Variants in SLIT1 observed in about 807,000 individuals in gnomAD.
SLIT1 encodes the protein slit guidance ligand 1.
In SLIT1, 66 loss-of-function variants were observed where a neutral mutation model predicts 186.1. The observed-to-expected ratio is 0.35, with a 90% CI of 0.29 to 0.44. SLIT1 has a LOEUF of 0.44. Among genes scored for constraint, SLIT1 ranks in the 20% least tolerant of loss-of-function variants. The pLI is 1.00. For synonymous variants in SLIT1, 761 were observed against 833.8 expected, an observed-to-expected ratio of 0.91 and a Z score of 1.50; for missense variants, 1,638 against 2,037.4, an observed-to-expected ratio of 0.80 and a Z score of 3.77.
chr10:97,037,739 C>T lies in SLIT1; in HGVS notation c.2325G>A (p.Leu775=). ...ELYLDGNQFT[L]VPGQLSTFKY... is the part of the protein sequence containing the mutation. ...TGAAGGTAGACAGCTGTCCCGGAAC[C>T]AGCGTGAACTGGTTCCCGTCCAAAT... Residue 775 remains leucine, a synonymous_variant, in exon 22 of 37, where the codon CTG becomes CTA. Transcript: ENST00000266058. 6.2e-7 allele frequency: 1 copy of T among 1,609,234 alleles called. No homozygotes were observed. Among genetic ancestry groups the T allele is most frequent in the South Asian group, 1.1e-5 (1 of 90,804 alleles).
chr10:97,166,640 G>GA (rs200026777), intron 1 of SLIT1, among the ~76,000 whole-genome samples: 34 of 134,882 alleles, frequency 2.5e-4, no homozygotes, highest in South Asian at 1.2e-3. Flanking sequence ...GAAAAGAAAA[G>GA]AAAGGAAAGG....
At chr10:97,005,120 A>G (rs1848348956) in intron 32 of SLIT1, among the ~76,000 whole-genome samples, 1 of 152,236 alleles carries the variant, frequency 6.6e-6, no homozygotes, top group Non-Finnish European at 1.5e-5. Flanking sequence ...CCTCAGGACA[A>G]TCTTCCCAGA....
At chr10:97,064,032 C>T in intron 7 of SLIT1, 136 bp downstream of exon 7, 1 of 723,230 alleles carries the variant, frequency 1.4e-6, no homozygotes, top group Non-Finnish European at 2.4e-6. Flanking sequence ...AAGCCCCCAG[C>T]CTGGGCTGGC....
At chr10:97,095,583 T>A (rs1849279712) in intron 4 of SLIT1, among the ~76,000 whole-genome samples, 1 of 152,178 alleles carries the variant, frequency 6.6e-6, no homozygotes, top group Non-Finnish European at 1.5e-5. Context: ...AGAACTGAAG[T>A]CCACCCAGAT....
At chr10:97,048,242 G>T (rs1350174250) in intron 14 of SLIT1, among the ~76,000 whole-genome samples, 1 of 152,210 alleles carries the variant, frequency 6.6e-6, no homozygotes, top group Non-Finnish European at 1.5e-5. Flanking sequence ...GCTCTCACTC[G>T]CAATGGCACG....
At chr10:97,091,081 C>A (rs560411204) in intron 4 of SLIT1, among the ~76,000 whole-genome samples, 1 of 152,230 alleles carries the variant, frequency 6.6e-6, no homozygotes, top group Non-Finnish European at 1.5e-5. Context: ...CTGTTCACTC[C>A]GGTTTGATAT....
chr10:97,166,873 C>A (rs993024340), intron 1 of SLIT1, among the ~76,000 whole-genome samples: 5 of 152,134 alleles, frequency 3.3e-5, no homozygotes, highest in Admixed American at 3.3e-4. Context: ...AGGTGCCTTC[C>A]CAAGGTCACC....
At chr10:97,120,956 A>G (rs1849555429) in intron 4 of SLIT1, among the ~76,000 whole-genome samples, 1 of 152,064 alleles carries the variant, frequency 6.6e-6, no homozygotes, top group Non-Finnish European at 1.5e-5. Flanking sequence ...GACTATTACT[A>G]TATTACCTGG....
At chr10:97,148,663 T>C (rs1849842850) in intron 4 of SLIT1, among the ~76,000 whole-genome samples, 1 of 152,236 alleles carries the variant, frequency 6.6e-6, no homozygotes. Context: ...CCTTATCTCC[T>C]ATCATTCTTT....
In SLIT1 at chr10:97,043,365, C is replaced by T; in HGVS notation, c.1997+5G>A. On this transcript the variant is annotated splice_donor_5th_base_variant and intron_variant, in intron 19 of 36. Coordinates refer to ENST00000266058, the MANE Select transcript of SLIT1 (RefSeq NM_003061.3). This position sits in a 1 kb window ranked among gnomAD's most constrained non-coding sequence, Gnocchi z 7.0. Reference sequence around the variant, plus strand: ...CCGCCCGCCTGTCCTGGAGGCCGGACTCACAGTGTGGAGAGGGACTGGAGG... The same window carrying T: ...CCGCCCGCCTGTCCTGGAGGCCGGATTCACAGTGTGGAGAGGGACTGGAGG... 1 of 1,613,258 alleles carries T rather than the reference C, an allele frequency of 6.2e-7. No individual in the cohort carries two copies. The highest frequency in any genetic ancestry group is 2.2e-5 in the East Asian group (1 of 44,866).
At chr10:97,014,701 T>C (rs1437138877) in intron 28 of SLIT1, among the ~76,000 whole-genome samples, 1 of 152,114 alleles carries the variant, frequency 6.6e-6, no homozygotes, top group Non-Finnish European at 1.5e-5. Flanking sequence ...ACGCTGTCTC[T>C]ATTAAAATAC....
intron 4 of SLIT1, among the ~76,000 whole-genome samples, chr10:97,104,858 C>A (rs1849397137): frequency 6.6e-6 from 1 of 152,176 alleles, no homozygotes; most frequent in South Asian, 2.1e-4. Flanking sequence ...CACGGATGGC[C>A]AAGCATGCTG....
intron 4 of SLIT1, among the ~76,000 whole-genome samples, chr10:97,143,203 C>T (rs768006339): frequency 1.3e-5 from 2 of 152,186 alleles, no homozygotes; most frequent in Non-Finnish European, 2.9e-5. Flanking sequence ...CAGCACTATT[C>T]ACAATATCTA....
chr10:97,105,724 G>A (rs1849407106), intron 4 of SLIT1, among the ~76,000 whole-genome samples: 1 of 152,216 alleles, frequency 6.6e-6, no homozygotes, highest in Non-Finnish European at 1.5e-5. Context: ...AGGAACTTGA[G>A]GTGAAAATGG....
At chr10:97,144,445 T>C (rs1230471856) in intron 4 of SLIT1, among the ~76,000 whole-genome samples, 1 of 152,108 alleles carries the variant, frequency 6.6e-6, no homozygotes, top group African/African-American at 2.4e-5. Flanking sequence ...CTTCTTCCAG[T>C]GTATGAAGTC....
At position 97,010,557 on chromosome 10, in the gene SLIT1, T is replaced by C. The variant is rs1424724425; in HGVS notation, c.3341+436A>G. Among the ~76,000 whole-genome samples the C allele has an allele frequency of 6.6e-6, 1 of 152,188 alleles. No individual in the cohort carries two copies. The highest frequency in any genetic ancestry group is 2.1e-4 in the South Asian group (1 of 4,832). On this transcript the variant is annotated intron_variant, in intron 31 of 36. Coordinates refer to ENST00000266058, the MANE Select transcript of SLIT1 (RefSeq NM_003061.3). This position sits in a 1 kb window ranked among gnomAD's most constrained non-coding sequence, Gnocchi z 4.8. ...ACATGTAACTGTGTAAACTGTATGG[T>C]ACATGAATTATATCTCAATAAAGCT...
intron 3 of SLIT1, among the ~76,000 whole-genome samples, chr10:97,162,006 T>C (rs1045986066): frequency 6.6e-6 from 1 of 152,142 alleles, no homozygotes; most frequent in Non-Finnish European, 1.5e-5. Flanking sequence ...CATAGAGTGG[T>C]GGTAGCTATA....
chr10:97,031,665 G>A lies in SLIT1; in HGVS notation c.2451C>T (p.Tyr817=). The A allele has an allele frequency of 6.4e-7, 1 of 1,551,466 alleles. No homozygotes were observed. The part of the protein sequence containing the change: ...MSQLTTLILS[Y]NALQCIPPLA... ...AAGGCGGGATGCACTGCAGGGCATT[G>A]TAGCTGAGGATCCTGCGGAGGAAGG... Residue 817 remains tyrosine (Y), a synonymous_variant, in exon 24 of 37, where the codon TAC becomes TAT. Transcript: ENST00000266058.
chr10:97,165,880 G>A (rs1456183595), intron 1 of SLIT1, among the ~76,000 whole-genome samples: 4 of 152,086 alleles, frequency 2.6e-5, no homozygotes, highest in African/African-American at 4.8e-5. Context: ...CTGAGGAGCT[G>A]TCTGCCCCAC....
Sources: allele counts gnomAD v4.1 joint callset (sites outside exome capture counted in the v4.1 genomes callset), GRCh38; gene constraint gnomAD v4.1.1; non-coding constraint Gnocchi (gnomAD v3.1); transcripts MANE v1.5; gene names NCBI Gene and HGNC (gene_info 2026-07-23, HGNC 2026-07-21).